CUL5: variants seen among roughly 807,000 people sequenced by gnomAD.
The protein encoded by CUL5 is cullin-5.
Under a neutral mutation model 108.8 loss-of-function variants are expected in CUL5, and 26 were observed. That is an observed-to-expected ratio of 0.24 (90% CI 0.18 to 0.33). CUL5 has a LOEUF of 0.33. Among genes scored for constraint, CUL5 ranks in the 10% least tolerant of loss-of-function variants. The pLI, the probability that CUL5 is intolerant of heterozygous loss-of-function variation, is 1.00. For synonymous variants in CUL5, 334 were observed against 298.0 expected (o/e 1.12, Z -1.25); for missense variants, 524 against 909.2 (o/e 0.58, Z 5.45).
intron 1 of CUL5, among the ~76,000 whole-genome samples, chr11:108,016,235 CTCTTCTCTTCTCTTCTCG>C (rs1158363881): frequency 2.3e-5 from 3 of 128,502 alleles, no homozygotes; most frequent in African/African-American, 8.2e-5. Flanking sequence ...TTTTTCTTTT[CTCTTCTCTTCTCTTCTCG>C]TCTTCTCTTC....
At chr11:108,075,081 G>T (rs1197656180) in intron 10 of CUL5, among the ~76,000 whole-genome samples, 3 of 151,982 alleles carry the variant, frequency 2.0e-5, no homozygotes, top group African/African-American at 7.2e-5. Flanking sequence ...ATATACTGAA[G>T]GGAAGAAGGA....
chr11:108,091,796 G>A (rs1864370406), intron 13 of CUL5, among the ~76,000 whole-genome samples: 1 of 150,754 alleles, frequency 6.6e-6, no homozygotes, highest in South Asian at 2.1e-4. Flanking sequence ...ATAGACAGAT[G>A]GCCAATAAGT....
intron 7 of CUL5, among the ~76,000 whole-genome samples, chr11:108,056,025 T>A (rs1225555487): frequency 6.6e-6 from 1 of 152,212 alleles, no homozygotes; most frequent in Non-Finnish European, 1.5e-5. Flanking sequence ...GCAATCCTTC[T>A]TGCTCAGCCT....
chr11:108,018,102 G>T (rs1444413718), intron 1 of CUL5, among the ~76,000 whole-genome samples: 1 of 152,136 alleles, frequency 6.6e-6, no homozygotes, highest in East Asian at 1.9e-4. Context: ...CTCTGGATGT[G>T]CAGAGAGGAA....
chr11:108,061,557 AAC>A (rs760869951), intron 7 of CUL5, among the ~76,000 whole-genome samples: 1 of 152,194 alleles, frequency 6.6e-6, no homozygotes, highest in Non-Finnish European at 1.5e-5. Context: ...TTCCAGATTC[AAC>A]AGTTATCATT....
intron 7 of CUL5, among the ~76,000 whole-genome samples, chr11:108,063,661 A>T (rs111749406): frequency 2.0e-5 from 3 of 149,672 alleles, no homozygotes; most frequent in African/African-American, 4.9e-5. Flanking sequence ...AAATTTAAAA[A>T]AAATAAATAA....
Position 108,106,507 on chromosome 11 carries a change from A to G in CUL5, c.*2123A>G, listed in dbSNP as rs1453498225. 2.0e-5 allele frequency: 3 copies of G among 151,576 alleles called. No individual in the cohort carries two copies. In the East Asian group the frequency reaches 5.8e-4, roughly 29 times the overall value. The allele number at this position is 151,576 out of a possible 1,614,324, so 9.4% of individuals were successfully genotyped here. ...GTCCTAATTGTATTTTGGGGAATGA[A>G]CAGCAGCAAATACTGTAAATGTACA... On this transcript the variant is annotated 3_prime_UTR_variant, in exon 19 of 19. Coordinates refer to ENST00000393094, the MANE Select transcript of CUL5 (RefSeq NM_003478.6).
Position 108,052,806 on chromosome 11 carries a change from G to T in CUL5, c.553+5G>T. 1.3e-6 allele frequency: 2 copies of T among 1,598,852 alleles called. No individual in the cohort carries two copies. The highest frequency in any genetic ancestry group is 1.7e-6 in the Non-Finnish European group (2 of 1,173,940). On this transcript the variant is annotated splice_donor_5th_base_variant and intron_variant, in intron 5 of 18. Coordinates refer to ENST00000393094, the MANE Select transcript of CUL5 (RefSeq NM_003478.6). Reference sequence around the variant, plus strand: ...TTGGAGTAAGAGAATCCTATGGTATGTTCTGAACTTTTATGATCATAATTT... The same window carrying T: ...TTGGAGTAAGAGAATCCTATGGTATTTTCTGAACTTTTATGATCATAATTT...
rs370585232 is a variant in CUL5 at position 108,063,445 on chromosome 11, T to A, written c.781-6651T>A. Among the ~76,000 whole-genome samples the A allele has an allele frequency of 7.2e-4, 110 of 152,224 alleles. 2 individuals are homozygous for A. The highest frequency in any genetic ancestry group is 2.6e-3 in the African/African-American group (106 of 41,554). ...TATGTACATTTTCATTATCCATTCA[T>A]TTGTTGGTGGACAGTAAGGTTCCTT... On this transcript the variant is annotated intron_variant, in intron 7 of 18. Transcript: ENST00000393094.
chr11:108,088,487 T>A (rs764141801), intron 11 of CUL5, 40 bp from the exon 12 acceptor site: 2 of 1,558,694 alleles, frequency 1.3e-6, no homozygotes, highest in Non-Finnish European at 1.7e-6. Context: ...TTGCAAACAT[T>A]AATCATTTTT....
chr11:108,027,609 A>G (rs1311942214), intron 1 of CUL5, among the ~76,000 whole-genome samples: 1 of 151,514 alleles, frequency 6.6e-6, no homozygotes, highest in Non-Finnish European at 1.5e-5. Flanking sequence ...GGCTTTTTCC[A>G]TGTTGCCCAG....
chr11:108,069,596 A>G (rs1316971504), intron 7 of CUL5, among the ~76,000 whole-genome samples: 1 of 152,098 alleles, frequency 6.6e-6, no homozygotes, highest in Non-Finnish European at 1.5e-5. Context: ...TAACTGAGTT[A>G]TATTTAGTTA....
At chr11:108,063,504 T>A (rs1863596830) in intron 7 of CUL5, among the ~76,000 whole-genome samples, 1 of 151,926 alleles carries the variant, frequency 6.6e-6, no homozygotes. Context: ...CTGCAATACA[T>A]GTATACATAT....
chr11:108,088,280 C>G (rs1864270897), intron 11 of CUL5, among the ~76,000 whole-genome samples: 1 of 152,082 alleles, frequency 6.6e-6, no homozygotes, highest in African/African-American at 2.4e-5. Context: ...AAGAAGGCAC[C>G]TAGAGTGCAA....
At chr11:108,018,961 C>G (rs1862267060) in intron 1 of CUL5, among the ~76,000 whole-genome samples, 1 of 151,928 alleles carries the variant, frequency 6.6e-6, no homozygotes, top group South Asian at 2.1e-4. Flanking sequence ...TAGCAGTGAT[C>G]TCAAAAAAAC....
chr11:108,056,089 A>G (rs1863371068), intron 7 of CUL5, among the ~76,000 whole-genome samples: 1 of 152,194 alleles, frequency 6.6e-6, no homozygotes, highest in Non-Finnish European at 1.5e-5. Flanking sequence ...TCAAAATATT[A>G]AAAAACAAAA....
chr11:108,010,478 A>G (rs557058765), intron 1 of CUL5, among the ~76,000 whole-genome samples: 72 of 152,306 alleles, frequency 4.7e-4, no homozygotes, highest in African/African-American at 1.7e-3. Context: ...ACTGTATATC[A>G]CCTTTTAAAA....
rs183012034 is a variant in CUL5 at position 108,078,975 on chromosome 11, G to C, written c.1178+735G>C. On this transcript the variant is annotated intron_variant, in intron 11 of 18. Transcript: ENST00000393094. ...TATAATATTGATATATTTTAGAAGGGAATATGTTCTCTTTTATAAACTGTG... is the reference window on the plus strand; with the variant it reads ...TATAATATTGATATATTTTAGAAGGCAATATGTTCTCTTTTATAAACTGTG... Among the ~76,000 whole-genome samples the C allele has an allele frequency of 1.4e-4, 21 of 152,148 alleles. 1 individual carries two copies. Among genetic ancestry groups the C allele is most frequent in the Non-Finnish European group, 2.8e-4 (19 of 68,000 alleles).
intron 18 of CUL5, among the ~76,000 whole-genome samples, chr11:108,103,821 A>G (rs1392348667): frequency 2.6e-5 from 4 of 152,098 alleles, no homozygotes; most frequent in Non-Finnish European, 5.9e-5. Flanking sequence ...TTTTTTTTAA[A>G]TACATACTTT....
Sources: gnomAD v4.1 joint callset for allele counts (sites outside exome capture counted in the v4.1 genomes callset) on GRCh38, gnomAD v4.1.1 for gene constraint, MANE v1.5 for transcripts, NCBI Gene and HGNC (gene_info 2026-07-23, HGNC 2026-07-21) for gene names.